The following ZNRF1 variants were observed in gnomAD, a reference collection of about 807,000 sequenced individuals.
ZNRF1 encodes the protein E3 ubiquitin-protein ligase ZNRF1.
A neutral mutation model predicts 18.4 loss-of-function variants in ZNRF1; 3 were observed. The ratio of observed to expected loss-of-function variants is 0.16; its 90% confidence interval spans 0.07 to 0.42. The LOEUF (loss-of-function observed/expected upper bound fraction) is 0.42, where lower values mean the gene tolerates loss of function less well. Among genes scored for constraint, ZNRF1 ranks in the 10% least tolerant of loss-of-function variants. The pLI is 0.99. For missense variants in ZNRF1, 310 were observed against 329.8 expected, an observed-to-expected ratio of 0.94 and a Z score of 0.47; for synonymous variants, 157 against 144.2, an observed-to-expected ratio of 1.09 and a Z score of -0.64.
At chr16:75,073,094 A>C (rs1236457256) in intron 1 of ZNRF1, among the ~76,000 whole-genome samples, 2 of 141,638 alleles carry the variant, frequency 1.4e-5, no homozygotes, top group Admixed American at 7.1e-5. Context: ...TTGGAGACCA[A>C]CCTGGGTAAC....
intron 1 of ZNRF1, among the ~76,000 whole-genome samples, chr16:75,011,530 G>T (rs1247824014): frequency 6.6e-6 from 1 of 152,112 alleles, no homozygotes; most frequent in African/African-American, 2.4e-5. Context: ...ACCATGCCTG[G>T]CCAAAGACAC....
chr16:75,086,016 G>A (rs1264057449), intron 1 of ZNRF1, among the ~76,000 whole-genome samples: 4 of 152,032 alleles, frequency 2.6e-5, no homozygotes, highest in Admixed American at 6.6e-5. Context: ...TCAAGGGCAA[G>A]AGAAGACCAG....
chr16:75,096,551 T>C (rs776402263), intron 2 of ZNRF1, among the ~76,000 whole-genome samples: 2 of 152,206 alleles, frequency 1.3e-5, no homozygotes, highest in Non-Finnish European at 2.9e-5. Context: ...GGAATCTTTC[T>C]GGAAAGGGGG....
At chr16:75,088,571 G>C (rs944904342) in intron 1 of ZNRF1, among the ~76,000 whole-genome samples, 2 of 152,210 alleles carry the variant, frequency 1.3e-5, no homozygotes, top group African/African-American at 4.8e-5. Context: ...TAGTATTTCT[G>C]TTCTTTCTGC....
chr16:75,051,614 T>C (rs1031820503), intron 1 of ZNRF1, among the ~76,000 whole-genome samples: 3 of 151,562 alleles, frequency 2.0e-5, no homozygotes, highest in African/African-American at 7.3e-5. Flanking sequence ...ACCTCCCGGG[T>C]TCAAGCGATT....
intron 1 of ZNRF1, among the ~76,000 whole-genome samples, chr16:75,045,936 C>G (rs1367672766): frequency 6.6e-6 from 1 of 151,802 alleles, no homozygotes; most frequent in African/African-American, 2.4e-5. Flanking sequence ...GAGTTTCACT[C>G]TCGTTGCCCA....
intron 1 of ZNRF1, among the ~76,000 whole-genome samples, chr16:75,091,763 C>T (rs1206201566): frequency 1.3e-5 from 2 of 151,870 alleles, no homozygotes; most frequent in African/African-American, 2.4e-5. Flanking sequence ...TCTCAAACTC[C>T]TGAGCTCAAG....
Position 74,999,606 on chromosome 16 carries a change from C to G in ZNRF1, c.-66C>G. ...CCTTTATGCTCGCCCAGCCCTCCCCCTGCTGCTGAGAAGTGGGGGAGGGTC... is the reference window on the plus strand; with the variant it reads ...CCTTTATGCTCGCCCAGCCCTCCCCGTGCTGCTGAGAAGTGGGGGAGGGTC... On this transcript the variant is annotated 5_prime_UTR_variant, in exon 1 of 5. Transcript: ENST00000335325. 6.7e-6 allele frequency: 8 copies of G among 1,196,652 alleles called. No individual in the cohort carries two copies. The highest frequency in any genetic ancestry group is 7.5e-6 in the Non-Finnish European group (7 of 936,114). 74.1% of individuals were successfully genotyped at this position (1,196,652 alleles called of 1,614,324 possible). A position where few individuals can be genotyped will look rare whatever the true frequency, so the allele number is the denominator to read the frequency against.
At chr16:75,036,608 G>A (rs1470395723) in intron 1 of ZNRF1, among the ~76,000 whole-genome samples, 3 of 141,272 alleles carry the variant, frequency 2.1e-5, no homozygotes, top group Non-Finnish European at 4.6e-5. Context: ...CCTTCATTTG[G>A]ATTAAGAAAA....
At position 75,087,980 on chromosome 16, in the gene ZNRF1, C is replaced by G. The variant is rs978420807; in HGVS notation, c.425-5592C>G. On this transcript the variant is annotated intron_variant, in intron 1 of 4. Coordinates refer to ENST00000335325, the MANE Select transcript of ZNRF1 (RefSeq NM_032268.5). Reference sequence around the variant, plus strand: ...CCTGTAGATGTCTCCTGAAGCATCTCTTACCTGCTCTGAGTGCTGATGAAG... The same window carrying G: ...CCTGTAGATGTCTCCTGAAGCATCTGTTACCTGCTCTGAGTGCTGATGAAG... Among the ~76,000 whole-genome samples, 4 of 152,260 alleles carry G rather than the reference C, an allele frequency of 2.6e-5. No homozygotes were observed. The East Asian group carries it at 7.7e-4, about 29-fold the overall frequency.
intron 1 of ZNRF1, among the ~76,000 whole-genome samples, chr16:75,037,917 G>A (rs1375781583): frequency 1.3e-5 from 2 of 152,144 alleles, no homozygotes; most frequent in African/African-American, 4.8e-5. Flanking sequence ...ATGTGGAAAA[G>A]TCTATGATGA....
intron 1 of ZNRF1, 112 bp downstream of exon 1, chr16:75,000,207 T>G: frequency 1.4e-6 from 2 of 1,400,622 alleles, no homozygotes; most frequent in Non-Finnish European, 2.0e-6. Flanking sequence ...TCTGTCTGCA[T>G]TCCCTTTGGT....
chr16:75,063,142 G>A (rs1314970992), intron 1 of ZNRF1, among the ~76,000 whole-genome samples: 2 of 152,228 alleles, frequency 1.3e-5, no homozygotes, highest in Non-Finnish European at 2.9e-5. Flanking sequence ...AGTCATGCGA[G>A]TGGTTAGGGA....
intron 1 of ZNRF1, among the ~76,000 whole-genome samples, chr16:75,051,540 C>G (rs967431009): frequency 6.7e-6 from 1 of 148,920 alleles, no homozygotes; most frequent in Admixed American, 6.7e-5. Context: ...TTGGGGGGGA[C>G]GGAGTCTTGC....
chr16:75,039,852 G>C (rs2035420267), intron 1 of ZNRF1, among the ~76,000 whole-genome samples: 1 of 152,122 alleles, frequency 6.6e-6, no homozygotes. Flanking sequence ...TATCCCAAAA[G>C]ATTTTCACTG....
chr16:74,999,910 G>T lies in ZNRF1; in HGVS notation c.239G>T (p.Gly80Val). 1 of 1,549,844 alleles carries T rather than the reference G, an allele frequency of 6.5e-7. No homozygotes were observed. ...GLYTPASRGT[G>V]DSERAPGGGG... The stretch of plus-strand genomic sequence containing the variant: ...TACACCCCCGCCTCCCGGGGCACCG[G>T]CGACTCCGAGAGGGCGCCCGGCGGC... Residue 80 changes from glycine to valine, a missense_variant, in exon 1 of 5, where the codon GGC becomes GTC. This residue lies in a region of ZNRF1 where 293 missense variants were observed against 291.2 expected (regional missense o/e 1.01). Coordinates refer to ENST00000335325, the MANE Select transcript of ZNRF1 (RefSeq NM_032268.5).
intron 1 of ZNRF1, among the ~76,000 whole-genome samples, chr16:75,065,987 G>C (rs1442139489): frequency 5.9e-5 from 9 of 152,148 alleles, no homozygotes; most frequent in Non-Finnish European, 8.8e-5. Context: ...AGGAGTGTAT[G>C]GACTTGGCCA....
At chr16:75,098,875 T>G (rs1216137079) in intron 2 of ZNRF1, among the ~76,000 whole-genome samples, 1 of 151,906 alleles carries the variant, frequency 6.6e-6, no homozygotes, top group Non-Finnish European at 1.5e-5. Context: ...TCCCCACCCC[T>G]CCATACTTCT....
chr16:75,040,208 C>CT (rs1422587577), intron 1 of ZNRF1, among the ~76,000 whole-genome samples: 1 of 151,874 alleles, frequency 6.6e-6, no homozygotes, highest in African/African-American at 2.4e-5. Flanking sequence ...CCACGCATGG[C>CT]TTAAAATCCA....
Sources: allele counts gnomAD v4.1 joint callset (sites outside exome capture counted in the v4.1 genomes callset), GRCh38; gene constraint gnomAD v4.1.1; regional missense constraint gnomAD v4.1.1; transcripts MANE v1.5; gene names NCBI Gene and HGNC (gene_info 2026-07-23, HGNC 2026-07-21).